Variants in PDE4B observed in about 807,000 individuals in gnomAD.
PDE4B encodes the protein 3',5'-cyclic-AMP phosphodiesterase 4B.
A neutral mutation model predicts 82.2 loss-of-function variants in PDE4B; 20 were observed. The ratio of observed to expected loss-of-function variants is 0.24; its 90% CI spans 0.17 to 0.35. PDE4B has a LOEUF of 0.35. PDE4B is among the 10% of genes least tolerant of loss of function. The pLI is 1.00. For synonymous variants in PDE4B, 320 were observed against 318.9 expected (o/e 1.00, Z -0.04); for missense variants, 655 against 907.2 (o/e 0.72, Z 3.57).
chr1:66,041,351 G>T (rs923993373), intron 3 of PDE4B, among the ~76,000 whole-genome samples: 32 of 151,892 alleles, frequency 2.1e-4, no homozygotes, highest in African/African-American at 7.7e-4. Flanking sequence ...TCTTTGTATT[G>T]ACAATCTCTC....
Position 66,221,654 on chromosome 1 carries a change from A to G in PDE4B, c.282-25806A>G, listed in dbSNP as rs1490316332. On this transcript the variant is annotated intron_variant, in intron 3 of 16. Coordinates refer to ENST00000341517, the MANE Select transcript of PDE4B (RefSeq NM_002600.4). ...TCAAAACCAAGTGTCCTCATTATAT[A>G]TTTTATGTTTTTCTTTGCTTTCTTT... is the stretch of plus-strand genomic sequence containing the variant. 3.9e-5 allele frequency among the ~76,000 whole-genome samples: 6 copies of G among 152,108 alleles called. No individual in the cohort carries two copies. In the East Asian group the frequency reaches 9.6e-4, roughly 24 times the overall value.
At chr1:66,013,094 G>A (rs72667425) in intron 3 of PDE4B, among the ~76,000 whole-genome samples, 1,954 of 152,190 alleles carry the variant, frequency 0.013, 22 homozygotes, top group Middle Eastern at 0.02. Context: ...GACTGAATGT[G>A]TTCAGTGTCA....
chr1:66,294,951 C>G (rs1160384485), intron 7 of PDE4B, among the ~76,000 whole-genome samples: 1 of 152,170 alleles, frequency 6.6e-6, no homozygotes, highest in Non-Finnish European at 1.5e-5. Flanking sequence ...GCTCAGAGAA[C>G]CTTTCACAGG....
At chr1:66,086,420 G>A (rs1295517765) in intron 3 of PDE4B, among the ~76,000 whole-genome samples, 1 of 152,180 alleles carries the variant, frequency 6.6e-6, no homozygotes, top group African/African-American at 2.4e-5. Context: ...GAGTTTTGGA[G>A]CCACCTGGCC....
intron 3 of PDE4B, among the ~76,000 whole-genome samples, chr1:66,131,711 A>G (rs899946415): frequency 6.8e-6 from 1 of 148,046 alleles, no homozygotes; most frequent in Non-Finnish European, 1.5e-5. Flanking sequence ...TCAATCAACA[A>G]TATTTATTGC....
intron 7 of PDE4B, among the ~76,000 whole-genome samples, chr1:66,311,345 A>C (rs1489187853): frequency 2.6e-5 from 4 of 152,248 alleles, no homozygotes; most frequent in African/African-American, 9.6e-5. Flanking sequence ...CTGTTTGCAT[A>C]TTGAAATGTA....
At chr1:65,957,047 T>G (rs1649297369) in intron 3 of PDE4B, among the ~76,000 whole-genome samples, 1 of 152,074 alleles carries the variant, frequency 6.6e-6, no homozygotes, top group South Asian at 2.1e-4. Flanking sequence ...CTGTGACATC[T>G]CTGTTTAGCT....
intron 3 of PDE4B, among the ~76,000 whole-genome samples, chr1:66,190,489 A>G (rs1286198492): frequency 2.0e-5 from 3 of 152,124 alleles, no homozygotes; most frequent in South Asian, 4.1e-4. Flanking sequence ...CACCCAGTTC[A>G]TTCTTCCCAG....
chr1:66,310,577 T>C lies in PDE4B; in HGVS notation c.635-21931T>C, dbSNP rs148720458. On this transcript the variant is annotated intron_variant, in intron 7 of 16. Transcript: ENST00000341517. ...CAATTTTTAGAGCAGAAACCAACCT[T>C]AAATATCATCTTTAAATGACCAAGT... is the stretch of plus-strand genomic sequence containing the variant. Among the ~76,000 whole-genome samples the C allele has an allele frequency of 3.9e-4, 59 of 152,288 alleles. No individual in the cohort carries two copies. The East Asian group carries it at 9.6e-3, about 25-fold the overall frequency.
chr1:66,257,969 G>A, intron 6 of PDE4B, 106 bp downstream of exon 6: 1 of 752,372 alleles, frequency 1.3e-6, no homozygotes, highest in Non-Finnish European at 2.3e-6. Context: ...TGTCCTCTAA[G>A]CTAAGTTAAT....
intron 1 of PDE4B, among the ~76,000 whole-genome samples, chr1:65,860,300 T>C (rs1227858195): frequency 9.2e-5 from 14 of 152,204 alleles, no homozygotes; most frequent in Non-Finnish European, 1.6e-4. Flanking sequence ...ATGCAGTGTT[T>C]AGTTTTCTGT....
At chr1:66,118,275 T>G (rs1645637223) in intron 3 of PDE4B, among the ~76,000 whole-genome samples, 1 of 152,190 alleles carries the variant, frequency 6.6e-6, no homozygotes, top group Non-Finnish European at 1.5e-5. Context: ...CGCACACATA[T>G]GTTTATTGCG....
intron 3 of PDE4B, among the ~76,000 whole-genome samples, chr1:66,093,003 A>C (rs896277952): frequency 1.3e-5 from 2 of 152,138 alleles, no homozygotes; most frequent in Non-Finnish European, 2.9e-5. Context: ...TAACCTTTGT[A>C]GTATTAAATG....
chr1:66,099,840 C>G (rs1056709087), intron 3 of PDE4B, among the ~76,000 whole-genome samples: 5 of 152,070 alleles, frequency 3.3e-5, no homozygotes, highest in Non-Finnish European at 5.9e-5. Flanking sequence ...TGTATTGATT[C>G]AGTCAGAACA....
At chr1:65,921,844 G>A (rs1647260201) in intron 3 of PDE4B, among the ~76,000 whole-genome samples, 1 of 152,160 alleles carries the variant, frequency 6.6e-6, no homozygotes, top group South Asian at 2.1e-4. Context: ...CAGTTATCAA[G>A]GACAAAAACT....
At chr1:66,323,396 C>G (rs553391452) in intron 7 of PDE4B, among the ~76,000 whole-genome samples, 4 of 152,156 alleles carry the variant, frequency 2.6e-5, no homozygotes, top group Non-Finnish European at 4.4e-5. Context: ...TTATAGCATT[C>G]TACACTTCTT....
chr1:65,820,951 A>G (rs1303084483), intron 1 of PDE4B, among the ~76,000 whole-genome samples: 1 of 152,254 alleles, frequency 6.6e-6, no homozygotes, highest in Non-Finnish European at 1.5e-5. Context: ...CAGGCTTAAC[A>G]GTGCTGCATG....
At chr1:66,180,689 C>T (rs937335250) in intron 3 of PDE4B, among the ~76,000 whole-genome samples, 8 of 152,088 alleles carry the variant, frequency 5.3e-5, no homozygotes, top group Admixed American at 6.6e-5. Context: ...AGATTTGGGC[C>T]GACCACTGGC....
At chr1:66,120,085 A>G (rs2485388) in intron 3 of PDE4B, among the ~76,000 whole-genome samples, 151,874 of 152,314 alleles carry the variant, frequency 1, 75,719 homozygotes, top group Middle Eastern at 1. Context: ...CTCAGTTTGT[A>G]GTACTTTTTT....
Sources: allele counts gnomAD v4.1 joint callset (sites outside exome capture counted in the v4.1 genomes callset), GRCh38; gene constraint gnomAD v4.1.1; transcripts MANE v1.5; gene names NCBI Gene and HGNC (gene_info 2026-07-23, HGNC 2026-07-21).